The following ETV6 variants were observed in gnomAD, a reference collection of about 807,000 sequenced individuals.
The protein encoded by ETV6 is transcription factor ETV6.
In ETV6, 16 loss-of-function variants were observed where a neutral mutation model predicts 51.1. That is an observed-to-expected ratio of 0.31 (90% CI 0.21 to 0.48). The LOEUF is 0.48. Ranked by LOEUF, ETV6 falls within the 20% of genes least tolerant of loss-of-function variation. ETV6 has a pLI of 0.99. For synonymous variants in ETV6, 240 were observed against 224.1 expected (o/e 1.07, Z -0.64); for missense variants, 458 against 594.8 (o/e 0.77, Z 2.39).
chr12:11,885,887 T>C (rs755407968), intron 6 of ETV6, 39 bp from the exon 7 acceptor site: 2 of 1,462,334 alleles, frequency 1.4e-6, no homozygotes, highest in East Asian at 2.3e-5. Flanking sequence ...TCATTGTGTC[T>C]TTGTGCTTTT....
chr12:11,726,372 G>C (rs963829025), intron 1 of ETV6, among the ~76,000 whole-genome samples: 1 of 152,166 alleles, frequency 6.6e-6, no homozygotes, highest in Non-Finnish European at 1.5e-5. Context: ...CTAGGCCACA[G>C]GTAATTTTGT....
chr12:11,816,506 A>C (rs1021354954), intron 2 of ETV6, among the ~76,000 whole-genome samples: 6 of 152,174 alleles, frequency 3.9e-5, no homozygotes, highest in African/African-American at 1.4e-4. Context: ...TCGGCCTCCC[A>C]AAGTGCTGGG....
intron 1 of ETV6, among the ~76,000 whole-genome samples, chr12:11,650,488 A>AAAC (rs1555109495): frequency 4.2e-4 from 27 of 64,686 alleles, no homozygotes; most frequent in African/African-American, 7.9e-4. Flanking sequence ...GCTTAAAAAA[A>AAAC]AAAAAAACAA....
At chr12:11,805,435 G>T (rs1945814789) in intron 2 of ETV6, among the ~76,000 whole-genome samples, 2 of 152,182 alleles carry the variant, frequency 1.3e-5, no homozygotes, top group African/African-American at 4.8e-5. Context: ...AGCAGGGATA[G>T]ACAAGATATG....
At chr12:11,796,313 C>T (rs895757306) in intron 2 of ETV6, among the ~76,000 whole-genome samples, 3 of 152,174 alleles carry the variant, frequency 2.0e-5, no homozygotes, top group Non-Finnish European at 2.9e-5. Flanking sequence ...ATCATCTGGT[C>T]CTCGGCCAAG....
At chr12:11,776,110 C>T (rs976822473) in intron 2 of ETV6, among the ~76,000 whole-genome samples, 6 of 152,224 alleles carry the variant, frequency 3.9e-5, no homozygotes, top group Admixed American at 1.3e-4. Context: ...TGGGAGCTCA[C>T]GGTTATGTGG....
intron 2 of ETV6, among the ~76,000 whole-genome samples, chr12:11,783,457 G>T (rs1342846593): frequency 6.6e-6 from 1 of 152,138 alleles, no homozygotes; most frequent in African/African-American, 2.4e-5. Flanking sequence ...GGAAGAAAGT[G>T]ATTATAGATG....
intron 1 of ETV6, among the ~76,000 whole-genome samples, chr12:11,668,715 C>A (rs1480424906): frequency 6.6e-6 from 1 of 152,196 alleles, no homozygotes; most frequent in Non-Finnish European, 1.5e-5. Flanking sequence ...AATCTGATCA[C>A]AAGTTGAGAT....
chr12:11,660,862 C>T (rs1051630835), intron 1 of ETV6, among the ~76,000 whole-genome samples: 1 of 152,146 alleles, frequency 6.6e-6, no homozygotes, highest in Non-Finnish European at 1.5e-5. Context: ...GATCACAGAC[C>T]AGGCACCCAA....
In ETV6 at chr12:11,847,078, C is replaced by T. The variant is rs142927411; in HGVS notation, c.329-6349C>T. Reference sequence around the variant, plus strand: ...TGGAGGCGGGGCATCTGTTGGGCTGCAGTCTACGAGCAATAGTTGTGACAT... The same window carrying T: ...TGGAGGCGGGGCATCTGTTGGGCTGTAGTCTACGAGCAATAGTTGTGACAT... On this transcript the variant is annotated intron_variant, in intron 3 of 7. Transcript: ENST00000396373. Among the ~76,000 whole-genome samples the T allele has an allele frequency of 1.1e-3, 166 of 152,194 alleles. No homozygotes were observed. The East Asian group carries it at 0.017, about 15-fold the overall frequency.
At chr12:11,762,622 A>T (rs1945104458) in intron 2 of ETV6, among the ~76,000 whole-genome samples, 1 of 152,214 alleles carries the variant, frequency 6.6e-6, no homozygotes, top group Admixed American at 6.5e-5. Flanking sequence ...GAAGGCTTTG[A>T]TGCTGAGCTT....
chr12:11,825,865 C>T (rs1946147473), intron 2 of ETV6, among the ~76,000 whole-genome samples: 1 of 144,938 alleles, frequency 6.9e-6, no homozygotes, highest in South Asian at 2.2e-4. Flanking sequence ...AAAGTCAGAG[C>T]CTCATTCTGT....
chr12:11,865,388 A>G (rs1043653839), intron 4 of ETV6, among the ~76,000 whole-genome samples: 2 of 151,984 alleles, frequency 1.3e-5, no homozygotes, highest in African/African-American at 4.8e-5. Flanking sequence ...CTTTTTGCCA[A>G]CCATCTCATA....
At chr12:11,719,342 T>G (rs1228866524) in intron 1 of ETV6, among the ~76,000 whole-genome samples, 1 of 152,240 alleles carries the variant, frequency 6.6e-6, no homozygotes, top group Non-Finnish European at 1.5e-5. Flanking sequence ...TCATGCATAT[T>G]AAAAATACCG....
intron 1 of ETV6, among the ~76,000 whole-genome samples, chr12:11,707,255 T>G (rs1422069154): frequency 1.3e-5 from 2 of 152,168 alleles, no homozygotes; most frequent in East Asian, 1.9e-4. Flanking sequence ...AAATGGGAAG[T>G]CTTAAAAATA....
chr12:11,787,568 A>ACTCACTCCTTG (rs1491006025), intron 2 of ETV6, among the ~76,000 whole-genome samples: 1 of 152,088 alleles, frequency 6.6e-6, no homozygotes, highest in African/African-American at 2.4e-5. Flanking sequence ...AGAGTAAGAG[A>ACTCACTCCTTG]TTTCTGGGTG....
At chr12:11,688,094 T>TGG (rs1864671203) in intron 1 of ETV6, among the ~76,000 whole-genome samples, 1 of 136,054 alleles carries the variant, frequency 7.4e-6, no homozygotes, top group African/African-American at 2.5e-5. Flanking sequence ...ATGTGGAGTC[T>TGG]GGGCTGCCTG....
At chr12:11,883,820 G>A (rs1947143355) in intron 5 of ETV6, among the ~76,000 whole-genome samples, 1 of 152,158 alleles carries the variant, frequency 6.6e-6, no homozygotes, top group South Asian at 2.1e-4. Flanking sequence ...GATAGAATGA[G>A]AATATCTGTA....
chr12:11,750,300 T>C (rs1362144795), intron 1 of ETV6, among the ~76,000 whole-genome samples: 1 of 152,212 alleles, frequency 6.6e-6, no homozygotes, highest in Non-Finnish European at 1.5e-5. Flanking sequence ...CTAGCCAGAC[T>C]CTTTTGTCAG....
Sources: gnomAD v4.1 joint callset for allele counts (sites outside exome capture counted in the v4.1 genomes callset) on GRCh38, gnomAD v4.1.1 for gene constraint, MANE v1.5 for transcripts, NCBI Gene and HGNC (gene_info 2026-07-23, HGNC 2026-07-21) for gene names.